The following VAMP5 variants were observed in gnomAD, a reference collection of about 807,000 sequenced individuals.
VAMP5 encodes the protein vesicle-associated membrane protein 5.
In VAMP5, 10 loss-of-function variants were observed where a neutral mutation model predicts 8.1. That is an observed-to-expected ratio of 1.23 (90% CI 0.76 to 2.09). The LOEUF (loss-of-function observed/expected upper bound fraction) is 2.09. Ranked by LOEUF, VAMP5 falls within the 30% of genes most tolerant of loss-of-function variation. The probability of loss-of-function intolerance (pLI) is 0.00; values close to 1 mark genes in which losing one functional copy is unlikely to be tolerated. For synonymous variants in VAMP5, 62 were observed against 60.6 expected (o/e 1.02, Z -0.11); for missense variants, 135 against 152.5 (o/e 0.89, Z 0.60).
intron 1 of VAMP5, among the ~76,000 whole-genome samples, chr2:85,590,018 T>A (rs1672516548): frequency 6.6e-6 from 1 of 152,064 alleles, no homozygotes. Context: ...CCTTGTTGAA[T>A]GCTATAGTAG....
chr2:85,591,562 A>C, intron 1 of VAMP5, 163 bp from the exon 2 acceptor site: 1 of 1,082,186 alleles, frequency 9.2e-7, no homozygotes, highest in African/African-American at 1.6e-5. Context: ...CTCACCCCGA[A>C]GGCCAGACCT....
At chr2:85,590,157 T>G (rs1253694536) in intron 1 of VAMP5, among the ~76,000 whole-genome samples, 1 of 152,192 alleles carries the variant, frequency 6.6e-6, no homozygotes, top group Non-Finnish European at 1.5e-5. Context: ...CTACAGTGGT[T>G]TGCCTGACCT....
chr2:85,593,297 G>A lies in VAMP5; in HGVS notation c.*140G>A. 1 of 917,938 alleles carries A rather than the reference G, an allele frequency of 1.1e-6. No homozygotes were observed. The highest frequency in any genetic ancestry group is 1.7e-6 in the Non-Finnish European group (1 of 598,072). The allele number at this position is 917,938 out of a possible 1,614,324, so 56.9% of individuals were successfully genotyped here. A position where few individuals can be genotyped will look rare whatever the true frequency, so the allele number is the denominator to read the frequency against. On this transcript the variant is annotated 3_prime_UTR_variant, in exon 3 of 3. Transcript: ENST00000306384. The stretch of plus-strand genomic sequence containing the variant: ...CAACATGTGCACCCCTGCATTTCCT[G>A]TCATGCCACAGACTGGCCCTTGAGG...
intron 1 of VAMP5, 32 bp from the exon 2 acceptor site, chr2:85,591,693 C>T (rs888971546): frequency 1.2e-6 from 2 of 1,613,702 alleles, no homozygotes; most frequent in Non-Finnish European, 1.7e-6. Flanking sequence ...GTGGGGGCCT[C>T]ATGCAGCCCT....
chr2:85,591,502 C>A, intron 1 of VAMP5: 1 of 601,226 alleles, frequency 1.7e-6, no homozygotes, highest in Non-Finnish European at 2.8e-6. Flanking sequence ...GTCCTAGGCC[C>A]TGCCTTGACG....
intron 1 of VAMP5, among the ~76,000 whole-genome samples, chr2:85,590,309 G>A (rs896818141): frequency 1.3e-5 from 2 of 152,198 alleles, no homozygotes; most frequent in African/African-American, 4.8e-5. Context: ...CTTTTGGTTA[G>A]GCTGTATCGT....
Sources: allele counts gnomAD v4.1 joint callset (sites outside exome capture counted in the v4.1 genomes callset), GRCh38; gene constraint gnomAD v4.1.1; transcripts MANE v1.5; gene names NCBI Gene and HGNC (gene_info 2026-07-23, HGNC 2026-07-21).